NTM: variants seen among roughly 807,000 people sequenced by gnomAD.
NTM encodes the protein neurotrimin.
A neutral mutation model predicts 42.1 loss-of-function variants in NTM; 13 were observed. That is an observed-to-expected ratio of 0.31 (90% CI 0.20 to 0.49). The LOEUF (loss-of-function observed/expected upper bound fraction) is 0.49. Among genes scored for constraint, NTM ranks in the 20% least tolerant of loss-of-function variants. NTM has a pLI of 0.99. For synonymous variants in NTM, 187 were observed against 179.2 expected (o/e 1.04, Z -0.35); for missense variants, 373 against 452.8 (o/e 0.82, Z 1.60).
intron 1 of NTM, among the ~76,000 whole-genome samples, chr11:131,733,455 CTTCCTTCT>C (rs1263037283): frequency 0.013 from 1,753 of 132,472 alleles, 19 homozygotes; most frequent in South Asian, 0.03. Flanking sequence ...TCCTTCCTTC[CTTCCTTCT>C]TTCCTTCCTT....
Position 131,937,983 on chromosome 11 carries a change from A to C in NTM, c.167+26335A>C, listed in dbSNP as rs181596655. 7.1e-4 allele frequency among the ~76,000 whole-genome samples: 108 copies of C among 152,310 alleles called. 2 individuals are homozygous for C. The East Asian group carries it at 0.02, about 29-fold the overall frequency. ...ATGTCGTTTGCTATGTCTGGATCCT[A>C]ATAGGCATGCTCTTAATTAATTTAA... On this transcript the variant is annotated intron_variant, in intron 2 of 8. Coordinates refer to ENST00000683400, the MANE Select transcript of NTM (RefSeq NM_001352005.2).
At chr11:131,820,963 A>G (rs571184680) in intron 1 of NTM, among the ~76,000 whole-genome samples, 2 of 152,070 alleles carry the variant, frequency 1.3e-5, no homozygotes, top group Non-Finnish European at 2.9e-5. Context: ...ATACAAGCCT[A>G]GAAGGGTTGT....
At chr11:131,574,544 G>A (rs1168166065) in intron 1 of NTM, among the ~76,000 whole-genome samples, 4 of 148,738 alleles carry the variant, frequency 2.7e-5, no homozygotes, top group African/African-American at 1.0e-4. Flanking sequence ...GCAAACTAGA[G>A]TGTGTGTATG....
chr11:131,589,498 G>T (rs1359470521), intron 1 of NTM, among the ~76,000 whole-genome samples: 2 of 152,290 alleles, frequency 1.3e-5, no homozygotes, highest in East Asian at 1.9e-4. Flanking sequence ...AGGAGCTTCT[G>T]CAGAGGCAAA....
At chr11:132,156,460 C>G (rs1164071760) in intron 3 of NTM, among the ~76,000 whole-genome samples, 1 of 152,184 alleles carries the variant, frequency 6.6e-6, no homozygotes, top group Non-Finnish European at 1.5e-5. Context: ...CCACCTCTGC[C>G]AGGAGCTAGA....
At chr11:131,746,053 A>T (rs1200657850) in intron 1 of NTM, among the ~76,000 whole-genome samples, 1 of 151,786 alleles carries the variant, frequency 6.6e-6, no homozygotes, top group Non-Finnish European at 1.5e-5. Flanking sequence ...GGTGTTCCCA[A>T]CCCTCAGCCT....
chr11:132,254,496 C>T (rs1394446329), intron 4 of NTM, among the ~76,000 whole-genome samples: 1 of 152,054 alleles, frequency 6.6e-6, no homozygotes, highest in Non-Finnish European at 1.5e-5. Flanking sequence ...GCTCAGTCCT[C>T]CTAAGTGTCT....
In NTM at chr11:131,931,119, G is replaced by A. The variant is rs563778010; in HGVS notation, c.167+19471G>A. On this transcript the variant is annotated intron_variant, in intron 2 of 8. Transcript: ENST00000683400. ...TTATTAAATTAAAAAATTAAATTTTGGATTTTCATAACCAGATAGGATTAG... is the reference window on the plus strand; with the variant it reads ...TTATTAAATTAAAAAATTAAATTTTAGATTTTCATAACCAGATAGGATTAG... Among the ~76,000 whole-genome samples, 9 of 152,206 alleles carry A rather than the reference G, an allele frequency of 5.9e-5. No individual in the cohort carries two copies. The East Asian group carries it at 1.7e-3, about 29-fold the overall frequency.
At chr11:132,314,450 A>G in intron 6 of NTM, 102 bp from the exon 7 acceptor site, 1 of 1,297,930 alleles carries the variant, frequency 7.7e-7, no homozygotes, top group Non-Finnish European at 1.0e-6. Context: ...TGATGTCAGA[A>G]AGGGGGGCAA....
At chr11:132,303,194 G>A (rs1311848812) in intron 4 of NTM, among the ~76,000 whole-genome samples, 1 of 152,244 alleles carries the variant, frequency 6.6e-6, no homozygotes, top group Non-Finnish European at 1.5e-5. Flanking sequence ...TAGTGTCCCA[G>A]GACTACTGTG....
chr11:131,771,532 C>A (rs1338630072), intron 1 of NTM: 1 of 152,134 alleles, frequency 6.6e-6, no homozygotes, highest in Admixed American at 6.5e-5. Flanking sequence ...CTCCTTTGGG[C>A]CCAAATCTGT....
At chr11:131,815,826 C>G (rs1203341780) in intron 1 of NTM, among the ~76,000 whole-genome samples, 1 of 152,160 alleles carries the variant, frequency 6.6e-6, no homozygotes, top group Non-Finnish European at 1.5e-5. Context: ...TGCCTTTAAT[C>G]TTGCTTCCTT....
intron 2 of NTM, among the ~76,000 whole-genome samples, chr11:131,992,884 G>A (rs1424772118): frequency 6.6e-6 from 1 of 152,004 alleles, no homozygotes; most frequent in Non-Finnish European, 1.5e-5. Flanking sequence ...GAAAGACACT[G>A]GAAATTTTAC....
At chr11:131,737,449 C>A (rs2080615810) in intron 1 of NTM, among the ~76,000 whole-genome samples, 1 of 152,140 alleles carries the variant, frequency 6.6e-6, no homozygotes. Context: ...GAAGAGAAAC[C>A]ATTCATGTTA....
At chr11:131,873,966 T>C (rs1242249386) in intron 1 of NTM, among the ~76,000 whole-genome samples, 1 of 101,620 alleles carries the variant, frequency 9.8e-6, no homozygotes, top group Non-Finnish European at 1.9e-5. Flanking sequence ...CTTTTATATA[T>C]ATATTATATA....
intron 3 of NTM, among the ~76,000 whole-genome samples, chr11:132,184,609 C>T (rs61906014): frequency 0.028 from 4,324 of 152,220 alleles, 84 homozygotes; most frequent in African/African-American, 0.058. Context: ...CACCTGAAGC[C>T]TGGCTCTTCC....
intron 2 of NTM, among the ~76,000 whole-genome samples, chr11:132,077,610 G>C (rs577139721): frequency 6.6e-6 from 1 of 152,204 alleles, no homozygotes; most frequent in African/African-American, 2.4e-5. Context: ...TCTCAAAGCT[G>C]TCTGACTGAT....
chr11:132,291,591 G>C (rs2094452114), intron 4 of NTM, among the ~76,000 whole-genome samples: 1 of 152,148 alleles, frequency 6.6e-6, no homozygotes. Context: ...CAAAGCCACA[G>C]AATAAATGAT....
In NTM at chr11:131,848,206, A is replaced by C. The variant is rs189360663; in HGVS notation, c.83-63358A>C. On this transcript the variant is annotated intron_variant, in intron 1 of 8. Transcript: ENST00000683400. ...TATACTTTTTTCTTCCTCTAATAAAAATTCCCTCTCCTCCATACAGGTCTA... is the reference window on the plus strand; with the variant it reads ...TATACTTTTTTCTTCCTCTAATAAACATTCCCTCTCCTCCATACAGGTCTA... Among the ~76,000 whole-genome samples, 763 of 152,322 alleles carry C rather than the reference A, an allele frequency of 5.0e-3. 9 individuals are homozygous for C. The highest frequency in any genetic ancestry group is 0.017 in the African/African-American group (707 of 41,560).
Sources: gnomAD v4.1 joint callset for allele counts (sites outside exome capture counted in the v4.1 genomes callset) on GRCh38, gnomAD v4.1.1 for gene constraint, MANE v1.5 for transcripts, NCBI Gene and HGNC (gene_info 2026-07-23, HGNC 2026-07-21) for gene names.